SGIP1: variants seen among roughly 807,000 people sequenced by gnomAD.
SGIP1 encodes the protein SH3GL interacting endocytic adaptor 1, also known as SH3-containing GRB2-like protein 3-interacting protein 1.
A neutral mutation model predicts 107.5 loss-of-function variants in SGIP1; 38 were observed. The ratio of observed to expected loss-of-function variants is 0.35; its 90% CI spans 0.27 to 0.46. The LOEUF (loss-of-function observed/expected upper bound fraction) is 0.46, where lower values mean the gene tolerates loss of function less well. Among genes scored for constraint, SGIP1 ranks in the 20% least tolerant of loss-of-function variants. SGIP1 has a pLI of 1.00. For synonymous variants in SGIP1, 365 were observed against 366.1 expected (o/e 1.00, Z 0.03); for missense variants, 929 against 1,019.5 (o/e 0.91, Z 1.21).
chr1:66,600,447 G>T (rs562533941), intron 1 of SGIP1, among the ~76,000 whole-genome samples: 1 of 152,238 alleles, frequency 6.6e-6, no homozygotes, highest in Non-Finnish European at 1.5e-5. Flanking sequence ...AGCTCTGATG[G>T]TGGCAGCAAG....
chr1:66,602,637 T>TAAC (rs1558036474), intron 1 of SGIP1, among the ~76,000 whole-genome samples: 5 of 146,350 alleles, frequency 3.4e-5, no homozygotes, highest in African/African-American at 1.2e-4. Context: ...ACTTAAAGTA[T>TAAC]AATAATAAAT....
chr1:66,661,213 G>C (rs1209796993), intron 8 of SGIP1, among the ~76,000 whole-genome samples: 1 of 152,200 alleles, frequency 6.6e-6, no homozygotes, highest in Non-Finnish European at 1.5e-5. Context: ...TGGTTGCCTG[G>C]TTTGTTGGGA....
At chr1:66,677,744 C>T (rs2085719422) in intron 13 of SGIP1, among the ~76,000 whole-genome samples, 1 of 152,174 alleles carries the variant, frequency 6.6e-6, no homozygotes, top group Admixed American at 6.5e-5. Context: ...GGTAAAGCCA[C>T]CCTTCTTAAA....
chr1:66,645,402 T>A (rs113214849), intron 7 of SGIP1, among the ~76,000 whole-genome samples: 29 of 152,320 alleles, frequency 1.9e-4, no homozygotes, highest in Middle Eastern at 3.4e-3. Context: ...TACTCTAAGC[T>A]CTTCTCAACA....
At chr1:66,695,559 A>G (rs1222705113) in intron 18 of SGIP1, 66 bp downstream of exon 18, 44 of 1,510,056 alleles carry the variant, frequency 2.9e-5, no homozygotes, top group Non-Finnish European at 3.9e-5. Flanking sequence ...CCCCATTTGC[A>G]TTTCCAAATC....
intron 13 of SGIP1, among the ~76,000 whole-genome samples, chr1:66,678,819 C>A (rs563814805): frequency 6.6e-6 from 1 of 152,188 alleles, no homozygotes; most frequent in East Asian, 1.9e-4. Context: ...TACCTGCCTC[C>A]CTCTGCGTTT....
chr1:66,683,405 G>A (rs1280353878), intron 15 of SGIP1, among the ~76,000 whole-genome samples: 1 of 152,128 alleles, frequency 6.6e-6, no homozygotes, highest in Non-Finnish European at 1.5e-5. Flanking sequence ...CATCATCACT[G>A]CCTCTTTCAA....
chr1:66,562,820 G>A (rs1201032836), intron 1 of SGIP1, among the ~76,000 whole-genome samples: 1 of 152,048 alleles, frequency 6.6e-6, no homozygotes, highest in Non-Finnish European at 1.5e-5. Flanking sequence ...CATGAGCAAG[G>A]TTCTGGAACA....
chr1:66,542,680 A>C lies in SGIP1; in HGVS notation c.10+8312A>C, dbSNP rs1046508133. Among the ~76,000 whole-genome samples the C allele has an allele frequency of 2.0e-5, 3 of 152,202 alleles. No homozygotes were observed. The South Asian group carries it at 6.2e-4, about 32-fold the overall frequency. ...GCAATTTAAAACTTATGAATTGGTT[A>C]TTTCTATAATTTTTCATTTAATATT... On this transcript the variant is annotated intron_variant, in intron 1 of 24. Transcript: ENST00000371037.
At chr1:66,692,695 C>A (rs2090131669) in intron 17 of SGIP1, among the ~76,000 whole-genome samples, 1 of 152,160 alleles carries the variant, frequency 6.6e-6, no homozygotes, top group Non-Finnish European at 1.5e-5. Context: ...ATTTCCCTCC[C>A]ACTGCAATAC....
Position 66,682,166 on chromosome 1 carries a change from T to A in SGIP1, c.1112T>A (p.Leu371Gln), listed in dbSNP as rs112765681. 4.8e-5 allele frequency: 77 copies of A among 1,614,186 alleles called. No homozygotes were observed. In the Middle Eastern group the frequency reaches 1.3e-3, roughly 28 times the overall value. ...PGPPGPPRNV[L>Q]SPLNLEEVQK... ...CCTCCTGGGCCTCCTCGCAATGTAC[T>A]ATCGCCGCTCAATTTAGAAGAAGTC... Residue 371 changes from leucine (L) to glutamine (Q), a missense_variant, in exon 15 of 25, where the codon CTA becomes CAA. Around this residue, in one of 2 missense-constraint regions of SGIP1, gnomAD observed 588 missense variants for 588.6 expected, o/e 1.00. Coordinates refer to ENST00000371037, the MANE Select transcript of SGIP1 (RefSeq NM_032291.4).
intron 1 of SGIP1, among the ~76,000 whole-genome samples, chr1:66,614,994 T>A (rs917795679): frequency 1.3e-5 from 2 of 151,486 alleles, no homozygotes; most frequent in Non-Finnish European, 2.9e-5. Context: ...TAATTTTGTA[T>A]TTTTTTAGTA....
chr1:66,729,567 A>G, intron 20 of SGIP1, 148 bp downstream of exon 20: 1 of 1,106,842 alleles, frequency 9.0e-7, no homozygotes, highest in Non-Finnish European at 1.3e-6. Flanking sequence ...CAGAACTTTT[A>G]CCAGCTATCA....
At chr1:66,637,561 C>A (rs1171427360) in intron 4 of SGIP1, among the ~76,000 whole-genome samples, 1 of 143,996 alleles carries the variant, frequency 6.9e-6, no homozygotes, top group African/African-American at 2.6e-5. Flanking sequence ...TTAAAGTGTC[C>A]CTATTTTTGA....
intron 8 of SGIP1, among the ~76,000 whole-genome samples, chr1:66,662,835 T>A (rs574408690): frequency 1.3e-5 from 2 of 152,276 alleles, no homozygotes; most frequent in African/African-American, 4.8e-5. Context: ...ATGAAGGAAA[T>A]TTGTTCAGAA....
chr1:66,622,821 G>A (rs2071502523), intron 1 of SGIP1, among the ~76,000 whole-genome samples: 4 of 152,072 alleles, frequency 2.6e-5, no homozygotes, highest in African/African-American at 4.8e-5. Context: ...CTTAAGGGAC[G>A]CTTAGTTTTT....
intron 2 of SGIP1, among the ~76,000 whole-genome samples, chr1:66,631,667 TTC>T (rs1371645067): frequency 2.1e-5 from 2 of 95,272 alleles, no homozygotes; most frequent in Admixed American, 9.7e-5. Flanking sequence ...CTCTCTCTCT[TTC>T]TCTCTCTCTC....
chr1:66,600,362 AC>A (rs35236587), intron 1 of SGIP1, among the ~76,000 whole-genome samples: 95,651 of 151,748 alleles, frequency 0.63, 30,938 homozygotes, highest in East Asian at 1. Flanking sequence ...TAGCACAGAG[AC>A]CCCCCTCCTA....
intron 17 of SGIP1, chr1:66,695,218 C>A: frequency 1.1e-6 from 1 of 900,324 alleles, no homozygotes; most frequent in Middle Eastern, 2.6e-4. Context: ...TTCCTTTAGG[C>A]CTCCATAGCT....
Sources: gnomAD v4.1 joint callset for allele counts (sites outside exome capture counted in the v4.1 genomes callset) on GRCh38, gnomAD v4.1.1 for gene constraint, gnomAD v4.1.1 regional missense constraint, MANE v1.5 for transcripts, NCBI Gene and HGNC (gene_info 2026-07-23, HGNC 2026-07-21) for gene names.